SRFBP1: variants seen among roughly 807,000 people sequenced by gnomAD.
SRFBP1 encodes serum response factor binding protein 1.
In SRFBP1, 47 loss-of-function variants were observed where a neutral mutation model predicts 45.5. That is an observed-to-expected ratio of 1.03 (90% CI 0.82 to 1.32). The LOEUF (loss-of-function observed/expected upper bound fraction) is 1.32. Ranked by LOEUF, SRFBP1 falls within the 40% of genes most tolerant of loss-of-function variation. The probability of loss-of-function intolerance (pLI) is 0.00; values close to 1 mark genes in which losing one functional copy is unlikely to be tolerated. For missense variants in SRFBP1, 621 were observed against 484.6 expected (o/e 1.28, Z -2.64); for synonymous variants, 203 against 166.3 (o/e 1.22, Z -1.70).
chr5:122,066,432 A>G lies in SRFBP1; in HGVS notation n.312-8883A>G, dbSNP rs569562204. On this transcript the variant is annotated intron_variant and non_coding_transcript_variant, in intron 2 of 2. Coordinates refer to the SRFBP1 transcript ENST00000504881. The stretch of plus-strand genomic sequence containing the variant: ...TAGATAATACTGACCATTTTGCACT[A>G]CAATTTCAAAAGGAACATGAGAAAT... The G allele has an allele frequency of 3.3e-4, 99 of 303,712 alleles. No homozygotes were observed. In the East Asian group the frequency reaches 5.4e-3, roughly 17 times the overall value. 18.8% of individuals were successfully genotyped at this position (303,712 alleles called of 1,614,324 possible).
intron 2 of SRFBP1, among the ~76,000 whole-genome samples, chr5:122,055,340 G>C (rs951698471): frequency 1.3e-5 from 2 of 152,152 alleles, no homozygotes; most frequent in African/African-American, 2.4e-5. Flanking sequence ...CCTTGGGAGT[G>C]AGGATTTCAG....
chr5:121,991,627 G>A (rs1752623937), intron 3 of SRFBP1, among the ~76,000 whole-genome samples: 1 of 152,112 alleles, frequency 6.6e-6, no homozygotes, highest in African/African-American at 2.4e-5. Context: ...AGAAGTATAG[G>A]AAGATAAGAA....
intron 2 of SRFBP1, among the ~76,000 whole-genome samples, chr5:122,067,840 C>T (rs1451340008): frequency 1.3e-5 from 2 of 152,016 alleles, no homozygotes; most frequent in Admixed American, 1.3e-4. Flanking sequence ...CCGGTGCATT[C>T]CCCAGACTTC....
At position 122,041,365 on chromosome 5, in the gene SRFBP1, A is replaced by G. The variant is rs549461168; in HGVS notation, n.311+18958A>G. ...TAATTGATTTAAAGTGAAAGCAATCAGTATAGGTATTTGTATTTTTATTTC... is the reference window on the plus strand; with the variant it reads ...TAATTGATTTAAAGTGAAAGCAATCGGTATAGGTATTTGTATTTTTATTTC... On this transcript the variant is annotated intron_variant and non_coding_transcript_variant, in intron 2 of 2. Coordinates refer to the SRFBP1 transcript ENST00000504881. Among the ~76,000 whole-genome samples the G allele has an allele frequency of 2.0e-5, 3 of 152,282 alleles. No homozygotes were observed. In the East Asian group the frequency reaches 5.8e-4, roughly 29 times the overall value.
At chr5:122,059,156 G>A (rs1022486672) in intron 2 of SRFBP1, among the ~76,000 whole-genome samples, 3 of 152,004 alleles carry the variant, frequency 2.0e-5, no homozygotes, top group South Asian at 4.2e-4. Flanking sequence ...CAGAGAAAAT[G>A]GTAGGAGATG....
At chr5:122,043,446 C>T (rs750206441) in intron 2 of SRFBP1, among the ~76,000 whole-genome samples, 4 of 152,110 alleles carry the variant, frequency 2.6e-5, no homozygotes, top group Non-Finnish European at 4.4e-5. Context: ...AAACTCCTCA[C>T]CTCAAGTGAT....
At chr5:121,995,183 C>T (rs922649567) in intron 4 of SRFBP1, among the ~76,000 whole-genome samples, 1 of 151,606 alleles carries the variant, frequency 6.6e-6, no homozygotes. Context: ...ATCTACAGAA[C>T]TCTCCACCCC....
In SRFBP1 at chr5:122,021,905, C is replaced by T. The variant is rs111288967; in HGVS notation, c.1068-465C>T. On this transcript the variant is annotated intron_variant, in intron 6 of 7. Transcript: ENST00000339397. The stretch of plus-strand genomic sequence containing the variant: ...AGAGACGGGTTTCACCATATTGGCC[C>T]GGTTAGTGTCGAACTCCTGACCTTG... Among the ~76,000 whole-genome samples, 1,489 of 151,240 alleles carry T rather than the reference C, an allele frequency of 9.8e-3. 28 individuals carry two copies. The highest frequency in any genetic ancestry group is 0.034 in the African/African-American group (1,384 of 41,228).
At chr5:122,032,502 T>C (rs972829025), downstream of SRFBP1, among the ~76,000 whole-genome samples, 6 of 152,154 alleles carry the variant, frequency 3.9e-5, no homozygotes, top group African/African-American at 1.4e-4. Context: ...CCTCATATTC[T>C]TTCTTATGCA....
At chr5:122,002,200 A>G (rs780238988) in intron 4 of SRFBP1, among the ~76,000 whole-genome samples, 38 of 152,324 alleles carry the variant, frequency 2.5e-4, no homozygotes, top group Non-Finnish European at 4.3e-4. Context: ...ACTAGAGCTC[A>G]TGGAGGTTAG....
Position 122,020,764 on chromosome 5 carries a change from G to GT in SRFBP1, c.1034dup (p.His346ProfsTer7). The stretch of plus-strand genomic sequence containing the variant: ...CAGAAACCAGAAAGTTAGAATCAGT[G>GT]TTTTTCCACTCTTTATCTGGATCTA... On this transcript the variant is annotated frameshift_variant, in exon 6 of 8. Coordinates refer to ENST00000339397, the MANE Select transcript of SRFBP1 (RefSeq NM_152546.3). LOFTEE classifies it high-confidence loss of function. The GT allele has an allele frequency of 6.3e-7, 1 of 1,594,674 alleles. No homozygotes were observed. Among genetic ancestry groups the GT allele is most frequent in the Non-Finnish European group, 8.5e-7 (1 of 1,173,670 alleles).
intron 2 of SRFBP1, among the ~76,000 whole-genome samples, chr5:121,974,534 G>A (rs184839254): frequency 6.6e-5 from 10 of 151,790 alleles, no homozygotes; most frequent in African/African-American, 2.2e-4. Context: ...ACTCTCTTTT[G>A]GTCTTTTTAG....
intron 2 of SRFBP1, among the ~76,000 whole-genome samples, chr5:122,050,098 T>G (rs1014257358): frequency 6.6e-6 from 1 of 152,188 alleles, no homozygotes; most frequent in Non-Finnish European, 1.5e-5. Flanking sequence ...TGAAACCCAC[T>G]TCATTGGGCT....
At chr5:122,029,870 T>C (rs1177242419), downstream of SRFBP1, among the ~76,000 whole-genome samples, 2 of 152,230 alleles carry the variant, frequency 1.3e-5, no homozygotes. Context: ...GCTCAAATTC[T>C]ACTTAATTTG....
At chr5:121,998,630 C>G (rs1177189803) in intron 4 of SRFBP1, among the ~76,000 whole-genome samples, 2 of 139,952 alleles carry the variant, frequency 1.4e-5, no homozygotes, top group African/African-American at 2.7e-5. Flanking sequence ...GTAACCTGCA[C>G]AATGTGCACA....
chr5:122,052,153 G>T (rs780486910), intron 2 of SRFBP1, among the ~76,000 whole-genome samples: 2 of 152,184 alleles, frequency 1.3e-5, no homozygotes, highest in African/African-American at 4.8e-5. Context: ...TAGATGACCT[G>T]CCTCTTCTCT....
In SRFBP1 at chr5:121,975,384, G is replaced by C. The variant is rs770116333; in HGVS notation, c.195G>C (p.Met65Ile). The C allele has an allele frequency of 1.2e-6, 2 of 1,613,136 alleles. No homozygotes were observed. Among genetic ancestry groups the C allele is most frequent in the African/African-American group, 2.7e-5 (2 of 74,872 alleles). The change falls in exon 3 of 8, where the codon ATG (methionine) becomes ATC (isoleucine). Residue 65 changes from methionine to isoleucine, a missense_variant. By Grantham distance (10) the Met-to-Ile change is conservative. Coordinates refer to ENST00000339397, the MANE Select transcript of SRFBP1 (RefSeq NM_152546.3). Reference protein sequence around the residue: ...AQRLLEEIHAMKELKPDIVTK... With the variant: ...AQRLLEEIHAIKELKPDIVTK... ...GATTGCTTGAAGAAATCCATGCCAT[G>C]AAGGTAAGGACTTGTGTGGGTGTGT... is the stretch of plus-strand genomic sequence containing the variant.
Position 122,061,308 on chromosome 5 carries a change from G to A in SRFBP1, n.312-14007G>A, listed in dbSNP as rs558103265. Among the ~76,000 whole-genome samples, 3 of 151,748 alleles carry A rather than the reference G, an allele frequency of 2.0e-5. No individual in the cohort carries two copies. The East Asian group carries it at 5.9e-4, about 30-fold the overall frequency. Reference sequence around the variant, plus strand: ...GTGTTAGGAGCTCTGGTTCGACTTGGTATGTAAATTGAGAACTGGCAATAT... The same window carrying A: ...GTGTTAGGAGCTCTGGTTCGACTTGATATGTAAATTGAGAACTGGCAATAT... On this transcript the variant is annotated intron_variant and non_coding_transcript_variant, in intron 2 of 2. Transcript: ENST00000504881.
chr5:122,033,595 G>A (rs951736202), downstream of SRFBP1, among the ~76,000 whole-genome samples: 2 of 151,684 alleles, frequency 1.3e-5, no homozygotes, highest in African/African-American at 4.8e-5. Flanking sequence ...CCCGTTAGCT[G>A]GGATTACAGG....
Sources: gnomAD v4.1 joint callset for allele counts (sites outside exome capture counted in the v4.1 genomes callset) on GRCh38, gnomAD v4.1.1 for gene constraint, MANE v1.5 for transcripts, NCBI Gene and HGNC (gene_info 2026-07-23, HGNC 2026-07-21) for gene names.